The following EIF4EBP2 variants were observed in gnomAD, a reference collection of about 807,000 sequenced individuals.
The protein encoded by EIF4EBP2 is eukaryotic translation initiation factor 4E-binding protein 2.
A neutral mutation model predicts 10.3 loss-of-function variants in EIF4EBP2; 5 were observed. That is an observed-to-expected ratio of 0.48 (90% CI 0.25 to 1.02). The LOEUF is 1.02. Ranked by LOEUF, EIF4EBP2 falls within the 50% of genes least tolerant of loss-of-function variation. The probability of loss-of-function intolerance (pLI) is 0.15; values close to 1 mark genes in which losing one functional copy is unlikely to be tolerated. For synonymous variants in EIF4EBP2, 67 were observed against 61.1 expected, an observed-to-expected ratio of 1.10 and a Z score of -0.45; for missense variants, 188 against 162.2, an observed-to-expected ratio of 1.16 and a Z score of -0.86.
chr10:70,410,531 G>GTC (rs1349554308), intron 1 of EIF4EBP2, among the ~76,000 whole-genome samples: 1 of 152,216 alleles, frequency 6.6e-6, no homozygotes, highest in Non-Finnish European at 1.5e-5. Flanking sequence ...CTTTTCAGGA[G>GTC]TCTGTCTCTT....
chr10:70,415,035 G>A (rs1210525901), intron 1 of EIF4EBP2, among the ~76,000 whole-genome samples: 1 of 151,910 alleles, frequency 6.6e-6, no homozygotes, highest in Non-Finnish European at 1.5e-5. Flanking sequence ...ACATGTGCCT[G>A]TAGTCCCAAC....
intron 2 of EIF4EBP2, 47 bp from the exon 3 acceptor site, chr10:70,421,669 C>G: frequency 6.4e-7 from 1 of 1,563,194 alleles, no homozygotes; most frequent in Non-Finnish European, 8.8e-7. Flanking sequence ...AACTGTTATG[C>G]TTCTTTGTGT....
At chr10:70,418,192 A>T (rs1212341647) in intron 1 of EIF4EBP2, among the ~76,000 whole-genome samples, 2 of 152,134 alleles carry the variant, frequency 1.3e-5, no homozygotes, top group Non-Finnish European at 2.9e-5. Context: ...AGGCCCCCTT[A>T]CCCCCATGTA....
At chr10:70,413,620 A>G (rs1191192457) in intron 1 of EIF4EBP2, among the ~76,000 whole-genome samples, 1 of 151,758 alleles carries the variant, frequency 6.6e-6, no homozygotes, top group Non-Finnish European at 1.5e-5. Context: ...AAAAAAAAAA[A>G]AAAAAAAAAA....
At chr10:70,421,005 C>T (rs1055595586) in intron 2 of EIF4EBP2, among the ~76,000 whole-genome samples, 1 of 151,976 alleles carries the variant, frequency 6.6e-6, no homozygotes, top group African/African-American at 2.4e-5. Context: ...CCATGTTAGC[C>T]AGGATGGTCT....
chr10:70,409,388 G>A (rs1456145707), intron 1 of EIF4EBP2, among the ~76,000 whole-genome samples: 1 of 152,150 alleles, frequency 6.6e-6, no homozygotes, highest in African/African-American at 2.4e-5. Context: ...CTCAAAGGAA[G>A]GTAAAGTTAC....
rs1476420306 is a variant in EIF4EBP2 at position 70,404,512 on chromosome 10, GCCCGGGGGGACGCTCTTCTCCACCACA to G, written c.114_140del (p.Leu42_Thr50del). ...AGCTACCTCATGACTATTGCACCAC[GCCCGGGGGGACGCTCTTCTCCACCACA>G]CCGGGAGGTGAGCGCCGGCCAGCCG... is the stretch of plus-strand genomic sequence containing the variant. On this transcript the variant is annotated inframe_deletion, in exon 1 of 3. Transcript: ENST00000373218. 1 of 1,590,950 alleles carries G rather than the reference GCCCGGGGGGACGCTCTTCTCCACCACA, an allele frequency of 6.3e-7. No individual in the cohort carries two copies. The highest frequency in any genetic ancestry group is 1.4e-5 in the African/African-American group (1 of 71,576).
intron 1 of EIF4EBP2, among the ~76,000 whole-genome samples, chr10:70,407,918 C>T (rs1483422082): frequency 3.0e-5 from 4 of 135,460 alleles, no homozygotes; most frequent in Middle Eastern, 3.8e-3. Context: ...CCTCACTTCC[C>T]AGTAGGAGCG....
At chr10:70,411,812 GTTATATACACCCTT>G (rs1845049199) in intron 1 of EIF4EBP2, among the ~76,000 whole-genome samples, 2 of 152,064 alleles carry the variant, frequency 1.3e-5, no homozygotes, top group Non-Finnish European at 2.9e-5. Flanking sequence ...GGATTTAGTT[GTTATATACACCCTT>G]CTCCCAATGT....
rs901830276 is a variant in EIF4EBP2 at position 70,404,352 on chromosome 10, G to C, written c.-50G>C. On this transcript the variant is annotated 5_prime_UTR_variant, in exon 1 of 3. Transcript: ENST00000373218. ...GAGGAGCCGAAGCAGCCCCGGCCCC[G>C]CCGCCGCCGCCTGCCCGCCGGACAA... 2.8e-5 allele frequency: 38 copies of C among 1,371,782 alleles called. No homozygotes were observed. The highest frequency in any genetic ancestry group is 2.3e-4 in the Admixed American group (8 of 34,762). 85.0% of individuals were successfully genotyped at this position (1,371,782 alleles called of 1,614,324 possible).
Position 70,404,382 on chromosome 10 carries a change from G to A in EIF4EBP2, c.-20G>A, listed in dbSNP as rs772002200. The A allele has an allele frequency of 1.9e-6, 3 of 1,540,320 alleles. No individual in the cohort carries two copies. Among genetic ancestry groups the A allele is most frequent in the Non-Finnish European group, 1.7e-6 (2 of 1,146,350 alleles). ...CGCCGCCTGCCCGCCGGACAAAGCC[G>A]AGAGCCCGCGCCCACAGCCATGTCC... On this transcript the variant is annotated 5_prime_UTR_variant, in exon 1 of 3. Coordinates refer to ENST00000373218, the MANE Select transcript of EIF4EBP2 (RefSeq NM_004096.5).
At position 70,423,143 on chromosome 10, in the gene EIF4EBP2, T is replaced by C. The variant is rs757787447; in HGVS notation, c.*1396T>C. 3.9e-5 allele frequency: 6 copies of C among 152,684 alleles called. No individual in the cohort carries two copies. Among genetic ancestry groups the C allele is most frequent in the Non-Finnish European group, 2.9e-5 (2 of 68,052 alleles). The allele number at this position is 152,684 out of a possible 1,614,324, so 9.5% of individuals were successfully genotyped here. ...ATGACTACAGACCTATTTTTAGATA[T>C]GTTTTCAGTACAATTTTGAACAGCA... On this transcript the variant is annotated 3_prime_UTR_variant, in exon 3 of 3. Coordinates refer to ENST00000373218, the MANE Select transcript of EIF4EBP2 (RefSeq NM_004096.5).
At chr10:70,419,195 A>G (rs1202436538) in intron 1 of EIF4EBP2, among the ~76,000 whole-genome samples, 1 of 152,200 alleles carries the variant, frequency 6.6e-6, no homozygotes, top group Non-Finnish European at 1.5e-5. Flanking sequence ...CATTTCCTTG[A>G]TGATTAGTGA....
At chr10:70,411,878 A>G (rs942271086) in intron 1 of EIF4EBP2, among the ~76,000 whole-genome samples, 4 of 151,862 alleles carry the variant, frequency 2.6e-5, no homozygotes, top group African/African-American at 4.8e-5. Flanking sequence ...ACTTTTTTTT[A>G]CCCTTTTTGG....
chr10:70,421,856 C>G lies in EIF4EBP2; in HGVS notation c.*109C>G, dbSNP rs1184407124. ...ACAGAAGAGGCAATACCAGCAGTCC[C>G]CATTACAGTCTCCACCTCCCCGTCT... On this transcript the variant is annotated 3_prime_UTR_variant, in exon 3 of 3. Coordinates refer to ENST00000373218, the MANE Select transcript of EIF4EBP2 (RefSeq NM_004096.5). The G allele has an allele frequency of 4.0e-6, 4 of 997,680 alleles. No individual in the cohort carries two copies. The African/African-American group carries it at 6.4e-5, about 16-fold the overall frequency. The allele number at this position is 997,680 out of a possible 1,614,324, so 61.8% of individuals were successfully genotyped here.
rs1845179851 is a variant in EIF4EBP2 at position 70,423,608 on chromosome 10, G to A, written c.*1861G>A. 1 of 152,286 alleles carries A rather than the reference G, an allele frequency of 6.6e-6. No homozygotes were observed. Among genetic ancestry groups the A allele is most frequent in the South Asian group, 2.1e-4 (1 of 4,828 alleles). The allele number at this position is 152,286 out of a possible 1,614,324, so 9.4% of individuals were successfully genotyped here. Reference sequence around the variant, plus strand: ...TCAGATCCCAGGGTGAGAGTAACAGGCCATTTGGCCAAGAAAGAAACCTGT... The same window carrying A: ...TCAGATCCCAGGGTGAGAGTAACAGACCATTTGGCCAAGAAAGAAACCTGT... On this transcript the variant is annotated 3_prime_UTR_variant, in exon 3 of 3. Transcript: ENST00000373218.
In EIF4EBP2 at chr10:70,420,074, CA is replaced by C; in HGVS notation, c.308del (p.Asn103IlefsTer37). On this transcript the variant is annotated frameshift_variant, in exon 2 of 3. Transcript: ENST00000373218. LOFTEE classifies it high-confidence loss of function. ...VEVNNLNNLNNHDRKHAVGDD... is the reference protein window; with the variant it reads ...VEVNNLNNLNXHDRKHAVGDD... Reference sequence around the variant, plus strand: ...AAGTAAACAATTTGAACAACTTGAACAATCACGACAGGAAACATGCAGTTGG... The same window carrying C: ...AAGTAAACAATTTGAACAACTTGAACATCACGACAGGAAACATGCAGTTGG... 2 of 1,608,880 alleles carry C rather than the reference CA, an allele frequency of 1.2e-6. No homozygotes were observed. Among genetic ancestry groups the C allele is most frequent in the Non-Finnish European group, 1.7e-6 (2 of 1,178,278 alleles).
Position 70,404,249 on chromosome 10 carries a change from G to A in EIF4EBP2, c.-153G>A. 1.0e-6 allele frequency: 1 copy of A among 977,468 alleles called. No homozygotes were observed. Among genetic ancestry groups the A allele is most frequent in the Non-Finnish European group, 1.4e-6 (1 of 724,996 alleles). 60.5% of individuals were successfully genotyped at this position (977,468 alleles called of 1,614,324 possible). ...CGGCGGCGGCGGCGGCTGAGAGGGC[G>A]GCGGCGGGAGCGGAGCGGGACGAGG... On this transcript the variant is annotated 5_prime_UTR_variant, in exon 1 of 3. Coordinates refer to ENST00000373218, the MANE Select transcript of EIF4EBP2 (RefSeq NM_004096.5).
Position 70,425,682 on chromosome 10 carries a change from C to A in EIF4EBP2, c.*3935C>A, listed in dbSNP as rs1417652013. On this transcript the variant is annotated 3_prime_UTR_variant, in exon 3 of 3. Coordinates refer to ENST00000373218, the MANE Select transcript of EIF4EBP2 (RefSeq NM_004096.5). ...TATTTGCACATCCTAGACTTGGTGT[C>A]TGTAAGACTCAGTTACCACTTTTAT... The A allele has an allele frequency of 6.6e-6, 1 of 152,188 alleles. No homozygotes were observed. The highest frequency in any genetic ancestry group is 1.5e-5 in the Non-Finnish European group (1 of 68,046). The allele number at this position is 152,188 out of a possible 1,614,324, so 9.4% of individuals were successfully genotyped here. A position where few individuals can be genotyped will look rare whatever the true frequency, so the allele number is the denominator to read the frequency against.
Sources: gnomAD v4.1 joint callset for allele counts (sites outside exome capture counted in the v4.1 genomes callset) on GRCh38, gnomAD v4.1.1 for gene constraint, MANE v1.5 for transcripts, NCBI Gene and HGNC (gene_info 2026-07-23, HGNC 2026-07-21) for gene names.